The following NAB1 variants were observed in gnomAD, a reference collection of about 807,000 sequenced individuals.
The protein encoded by NAB1 is NGFI-A-binding protein 1.
A neutral mutation model predicts 49.9 loss-of-function variants in NAB1; 25 were observed. The ratio of observed to expected loss-of-function variants is 0.50; its 90% CI spans 0.37 to 0.70. The LOEUF (loss-of-function observed/expected upper bound fraction) is 0.70. NAB1 is among the 30% of genes least tolerant of loss of function. The probability of loss-of-function intolerance (pLI) is 0.00; values close to 1 mark genes in which losing one functional copy is unlikely to be tolerated. For missense variants in NAB1, 489 were observed against 575.9 expected, an observed-to-expected ratio of 0.85 and a Z score of 1.54; for synonymous variants, 198 against 215.6, an observed-to-expected ratio of 0.92 and a Z score of 0.71.
chr2:190,687,958 A>C (rs1015631679), intron 9 of NAB1, among the ~76,000 whole-genome samples: 1 of 152,158 alleles, frequency 6.6e-6, no homozygotes, highest in Admixed American at 6.6e-5. Flanking sequence ...TGTATTTTGG[A>C]GGTGATACTC....
chr2:190,687,457 T>G, intron 9 of NAB1, 140 bp downstream of exon 9: 1 of 539,508 alleles, frequency 1.9e-6, no homozygotes, highest in Non-Finnish European at 3.2e-6. Context: ...TGAGTATCCC[T>G]AACTGGAAAA....
chr2:190,685,636 A>C lies in NAB1; in HGVS notation c.1256A>C (p.Gln419Pro). ...TTGACTTCCGATAACTCAGATGGACAAGGTACATCTTTAGAATATCCTATG... is the reference window on the plus strand; with the variant it reads ...TTGACTTCCGATAACTCAGATGGACCAGGTACATCTTTAGAATATCCTATG... ...NGLTSDNSDG[Q>P]GERPLNLRMP... is the part of the protein sequence containing the mutation. Residue 419 changes from glutamine (Q) to proline (P), a missense_variant and splice_region_variant, in exon 8 of 10, where the codon CAA becomes CCA. By Grantham distance (76) the Gln-to-Pro change is moderately conservative. Transcript: ENST00000337386. This position sits in a 1 kb window ranked among gnomAD's most constrained non-coding sequence, Gnocchi z 4.5. 1 of 1,602,434 alleles carries C rather than the reference A, an allele frequency of 6.2e-7. No individual in the cohort carries two copies. The highest frequency in any genetic ancestry group is 8.5e-7 in the Non-Finnish European group (1 of 1,174,892).
In NAB1 at chr2:190,659,170, C is replaced by A. The variant is rs2125612591; in HGVS notation, c.-7C>A. 1 of 1,600,668 alleles carries A rather than the reference C, an allele frequency of 6.2e-7. No individual in the cohort carries two copies. The highest frequency in any genetic ancestry group is 1.1e-5 in the South Asian group (1 of 90,082). On this transcript the variant is annotated 5_prime_UTR_variant, in exon 4 of 10. Transcript: ENST00000337386. This position sits in a 1 kb window ranked among gnomAD's most constrained non-coding sequence, Gnocchi z 6.2. ...TTTTTTTTGGCAGGTTAAACCCATC[C>A]AGAGTAATGGCTGCGGCCTTACCCA...
In NAB1 at chr2:190,659,525, A is replaced by C; in HGVS notation, c.349A>C (p.Ser117Arg). ...LGISCSSYERSSNAREPHLKI... is the reference protein window; with the variant it reads ...LGISCSSYERRSNAREPHLKI... ...AATATCCTGCAGTAGTTATGAAAGG[A>C]GTAGCAATGCCCGGGAACCTCATTT... Residue 117 changes from serine (S) to arginine (R), a missense_variant, in exon 4 of 10, where the codon AGT becomes CGT. Physicochemically the swap from Ser to Arg is moderately radical, Grantham distance 110. Coordinates refer to ENST00000337386, the MANE Select transcript of NAB1 (RefSeq NM_005966.4). The surrounding 1 kb of genome is among the most constrained non-coding windows in gnomAD (Gnocchi z 6.2). 6.2e-7 allele frequency: 1 copy of C among 1,614,226 alleles called. No individual in the cohort carries two copies. Among genetic ancestry groups the C allele is most frequent in the Non-Finnish European group, 8.5e-7 (1 of 1,180,042 alleles).
intron 3 of NAB1, among the ~76,000 whole-genome samples, chr2:190,656,577 A>G (rs1253852485): frequency 6.6e-6 from 1 of 152,172 alleles, no homozygotes; most frequent in Admixed American, 6.5e-5. Flanking sequence ...ATCAGTCTTT[A>G]TGGAGATATT....
chr2:190,664,849 C>T (rs1354381888), intron 4 of NAB1, among the ~76,000 whole-genome samples: 1 of 151,754 alleles, frequency 6.6e-6, no homozygotes, highest in East Asian at 1.9e-4. Flanking sequence ...GTCAGACATG[C>T]TTTGTTTTTT....
At chr2:190,671,079 T>C (rs1475442542) in intron 5 of NAB1, among the ~76,000 whole-genome samples, 5 of 152,234 alleles carry the variant, frequency 3.3e-5, no homozygotes, top group African/African-American at 1.2e-4. Flanking sequence ...GATAGGACCA[T>C]TTGATTTTGT....
Position 190,659,287 on chromosome 2 carries a change from T to C in NAB1, c.111T>C (p.Asp37=). The C allele has an allele frequency of 6.2e-7, 1 of 1,614,164 alleles. No homozygotes were observed. The highest frequency in any genetic ancestry group is 8.5e-7 in the Non-Finnish European group (1 of 1,180,024). The change falls in exon 4 of 10, where the codon GAT becomes GAC. Residue 37 remains aspartate, a synonymous_variant. Transcript: ENST00000337386. This position sits in a 1 kb window ranked among gnomAD's most constrained non-coding sequence, Gnocchi z 6.2. ...CCTTTATCCAACAAGGTGGTGATGA[T>C]GTCCAGCAACTCTGTGAAGCAGGAG... The part of the protein sequence containing the change: ...FDAFIQQGGD[D]VQQLCEAGEE...
chr2:190,688,092 A>G (rs1258968781), intron 9 of NAB1, among the ~76,000 whole-genome samples: 1 of 152,234 alleles, frequency 6.6e-6, no homozygotes, highest in Non-Finnish European at 1.5e-5. Flanking sequence ...GACCAGCACA[A>G]TTTGAAAGAA....
chr2:190,656,468 G>A (rs1217142360), intron 3 of NAB1, among the ~76,000 whole-genome samples: 2 of 152,212 alleles, frequency 1.3e-5, no homozygotes, highest in Non-Finnish European at 2.9e-5. Flanking sequence ...TCCTTTTCCA[G>A]TAGTAAGTGT....
rs990597739 is a variant in NAB1, at chr2:190,674,181, A to G, written c.1005+1029A>G. Among the ~76,000 whole-genome samples, 2 of 152,140 alleles carry G rather than the reference A, an allele frequency of 1.3e-5. No individual in the cohort carries two copies. Among genetic ancestry groups the G allele is most frequent in the South Asian group, 2.1e-4 (1 of 4,824 alleles). ...TTCTACTGTACCTGGAATAAAATCT[A>G]AACTTTTTTTTTAAAGGATCTAAGA... On this transcript the variant is annotated intron_variant, in intron 6 of 9. Coordinates refer to ENST00000337386, the MANE Select transcript of NAB1 (RefSeq NM_005966.4). This position sits in a 1 kb window ranked among gnomAD's most constrained non-coding sequence, Gnocchi z 5.7.
In NAB1 at chr2:190,657,480, A is replaced by T. The variant is rs137939409; in HGVS notation, c.-20+1327A>T. On this transcript the variant is annotated intron_variant, in intron 3 of 9. Transcript: ENST00000337386. The surrounding 1 kb of genome is among the most constrained non-coding windows in gnomAD (Gnocchi z 4.4). ...AAGTCTCCTGAGATGCATCTCAGGC[A>T]CCTGGGAAACTGTATTTTTCAAAAG... Among the ~76,000 whole-genome samples, 485 of 152,278 alleles carry T rather than the reference A, an allele frequency of 3.2e-3. 11 individuals are homozygous for T. Among genetic ancestry groups the T allele is most frequent in the Admixed American group, 0.028 (423 of 15,296 alleles).
At position 190,654,697 on chromosome 2, in the gene NAB1, C is replaced by T. The variant is rs541640635; in HGVS notation, c.-196-1280C>T. Among the ~76,000 whole-genome samples the T allele has an allele frequency of 1.2e-4, 19 of 152,124 alleles. No individual in the cohort carries two copies. The South Asian group carries it at 2.7e-3, about 22-fold the overall frequency. ...TCGCAAATCTGTAAACTTGGCATTG[C>T]AGTGTGGGATCTATTGAAGGTGAAG... On this transcript the variant is annotated intron_variant, in intron 2 of 9. Coordinates refer to ENST00000337386, the MANE Select transcript of NAB1 (RefSeq NM_005966.4). The surrounding 1 kb of genome is among the most constrained non-coding windows in gnomAD (Gnocchi z 5.6).
Position 190,654,654 on chromosome 2 carries a change from C to A in NAB1, c.-196-1323C>A, listed in dbSNP as rs112364564. On this transcript the variant is annotated intron_variant, in intron 2 of 9. Transcript: ENST00000337386. The surrounding 1 kb of genome is among the most constrained non-coding windows in gnomAD (Gnocchi z 5.6). ...ATATGAGTAGTTTGGATTTCTTTCTCTGCACTGGTGGAGAAGTTCGCAAAT... is the reference window on the plus strand; with the variant it reads ...ATATGAGTAGTTTGGATTTCTTTCTATGCACTGGTGGAGAAGTTCGCAAAT... Among the ~76,000 whole-genome samples the A allele has an allele frequency of 2.0e-5, 3 of 151,932 alleles. No homozygotes were observed. The highest frequency in any genetic ancestry group is 3.9e-4 in the East Asian group (2 of 5,182).
rs1001256297 is a variant in NAB1 at position 190,686,241 on chromosome 2, C to T, written c.1258+603C>T. ...CAATTCCTATGTGCCAGGCACTCTC[C>T]TAGGCACTGAAGATGCAGCAGGGAA... On this transcript the variant is annotated intron_variant, in intron 8 of 9. Coordinates refer to ENST00000337386, the MANE Select transcript of NAB1 (RefSeq NM_005966.4). This position sits in a 1 kb window ranked among gnomAD's most constrained non-coding sequence, Gnocchi z 5.5. 1.3e-5 allele frequency among the ~76,000 whole-genome samples: 2 copies of T among 152,168 alleles called. No homozygotes were observed. Among genetic ancestry groups the T allele is most frequent in the Non-Finnish European group, 2.9e-5 (2 of 68,026 alleles).
chr2:190,688,814 C>A (rs1695761111), intron 9 of NAB1, among the ~76,000 whole-genome samples: 1 of 147,782 alleles, frequency 6.8e-6, no homozygotes, highest in Admixed American at 6.8e-5. Context: ...CCTTTCTTTT[C>A]TTTCCTTTCT....
At position 190,674,492 on chromosome 2, in the gene NAB1, G is replaced by A. The variant is rs774765611; in HGVS notation, c.1005+1340G>A. Among the ~76,000 whole-genome samples the A allele has an allele frequency of 6.6e-6, 1 of 152,032 alleles. No homozygotes were observed. Among genetic ancestry groups the A allele is most frequent in the Non-Finnish European group, 1.5e-5 (1 of 68,006 alleles). ...CTCCTGGTTTGTTTTCATAGCATTC[G>A]CCAGTATTTGAAACTGTTAGTTACT... On this transcript the variant is annotated intron_variant, in intron 6 of 9. Coordinates refer to ENST00000337386, the MANE Select transcript of NAB1 (RefSeq NM_005966.4). The surrounding 1 kb of genome is among the most constrained non-coding windows in gnomAD (Gnocchi z 5.7).
chr2:190,665,420 T>C (rs900575416), intron 4 of NAB1, among the ~76,000 whole-genome samples: 1 of 152,142 alleles, frequency 6.6e-6, no homozygotes, highest in Non-Finnish European at 1.5e-5. Context: ...TCAAGTTTCG[T>C]GGTTATTTTT....
chr2:190,683,711 A>G (rs772323667), intron 6 of NAB1, 27 bp from the exon 7 acceptor site: 4 of 1,532,040 alleles, frequency 2.6e-6, no homozygotes, highest in South Asian at 2.3e-5. Flanking sequence ...AACTCTAAAT[A>G]TAAAGGACTT....
Sources: allele counts gnomAD v4.1 joint callset (sites outside exome capture counted in the v4.1 genomes callset), GRCh38; gene constraint gnomAD v4.1.1; non-coding constraint Gnocchi (gnomAD v3.1); transcripts MANE v1.5; gene names NCBI Gene and HGNC (gene_info 2026-07-23, HGNC 2026-07-21).